Variants in CA10 observed in about 807,000 individuals in gnomAD.
CA10 encodes the protein carbonic anhydrase 10 (inactive), also known as carbonic anhydrase-related protein 10.
In CA10, 14 loss-of-function variants were observed where a neutral mutation model predicts 44.2. The observed-to-expected ratio is 0.32, with a 90% confidence interval of 0.21 to 0.50. The LOEUF (loss-of-function observed/expected upper bound fraction) is 0.50, where lower values mean the gene tolerates loss of function less well. Among genes scored for constraint, CA10 ranks in the 20% least tolerant of loss-of-function variants. The pLI is 0.99. For synonymous variants in CA10, 159 were observed against 141.6 expected (o/e 1.12, Z -0.87); for missense variants, 350 against 409.7 (o/e 0.85, Z 1.26).
At chr17:52,002,715 G>A (rs922923160) in intron 2 of CA10, among the ~76,000 whole-genome samples, 1 of 151,908 alleles carries the variant, frequency 6.6e-6, no homozygotes, top group African/African-American at 2.4e-5. Flanking sequence ...AAAGGGAAAG[G>A]AAGTATATCC....
intron 3 of CA10, among the ~76,000 whole-genome samples, chr17:51,885,985 A>G (rs1454196941): frequency 6.6e-6 from 1 of 152,272 alleles, no homozygotes; most frequent in Non-Finnish European, 1.5e-5. Context: ...GGAAGTTACA[A>G]TAAACAAAAG....
chr17:52,009,101 G>A (rs1985699959), intron 2 of CA10, among the ~76,000 whole-genome samples: 1 of 151,848 alleles, frequency 6.6e-6, no homozygotes, highest in Non-Finnish European at 1.5e-5. Context: ...GACACTACAA[G>A]TCTAAATCTC....
At chr17:51,836,229 C>T (rs1908472569) in intron 3 of CA10, among the ~76,000 whole-genome samples, 1 of 152,166 alleles carries the variant, frequency 6.6e-6, no homozygotes, top group African/African-American at 2.4e-5. Context: ...GCAAGGCATC[C>T]TGTCTATAGG....
At chr17:51,957,970 G>C (rs929470858) in intron 2 of CA10, among the ~76,000 whole-genome samples, 1 of 151,926 alleles carries the variant, frequency 6.6e-6, no homozygotes, top group East Asian at 1.9e-4. Context: ...TTCTGCCTCT[G>C]TAAAATACAG....
At chr17:51,636,102 A>T in intron 6 of CA10, 93 bp from the exon 7 acceptor site, 1 of 635,804 alleles carries the variant, frequency 1.6e-6, no homozygotes, top group Non-Finnish European at 2.6e-6. Context: ...ATACATATAC[A>T]TATACATACA....
intron 3 of CA10, among the ~76,000 whole-genome samples, chr17:51,792,659 G>C (rs1478512405): frequency 6.7e-6 from 1 of 148,350 alleles, no homozygotes; most frequent in Non-Finnish European, 1.5e-5. Flanking sequence ...AAAAAGAAAA[G>C]AAAGGAAAAT....
intron 3 of CA10, among the ~76,000 whole-genome samples, chr17:51,803,989 G>A (rs191393952): frequency 1.2e-4 from 19 of 152,270 alleles, no homozygotes; most frequent in African/African-American, 4.6e-4. Context: ...CACTGGCCGT[G>A]TGATCTTGAC....
chr17:52,079,567 C>T (rs1427963613), intron 1 of CA10, among the ~76,000 whole-genome samples: 2 of 152,114 alleles, frequency 1.3e-5, no homozygotes, highest in Non-Finnish European at 2.9e-5. Flanking sequence ...GTATATTATA[C>T]CAACTTGCAG....
chr17:51,828,217 G>A (rs1056318368), intron 3 of CA10, among the ~76,000 whole-genome samples: 1 of 152,132 alleles, frequency 6.6e-6, no homozygotes, highest in African/African-American at 2.4e-5. Context: ...CCTATGGCTG[G>A]GCACTGCAGA....
chr17:51,807,534 T>C (rs1404767403), intron 3 of CA10, among the ~76,000 whole-genome samples: 3 of 152,220 alleles, frequency 2.0e-5, no homozygotes, highest in Non-Finnish European at 1.5e-5. Flanking sequence ...TAAATGCTTA[T>C]ATCTGTTGTC....
In CA10 at chr17:52,136,423, C is replaced by T. The variant is rs770394542; in HGVS notation, c.61+21303G>A. Among the ~76,000 whole-genome samples the T allele has an allele frequency of 2.0e-4, 31 of 152,130 alleles. 1 individual carries two copies. Among genetic ancestry groups the T allele is most frequent in the Non-Finnish European group, 4.4e-4 (30 of 68,038 alleles). On this transcript the variant is annotated intron_variant, in intron 1 of 8. Transcript: ENST00000451037. The stretch of plus-strand genomic sequence containing the variant: ...CAAGTTACACCATCTGTCAACAGGA[C>T]GGCTGAGAGGTAATTCAGCCAACAG...
chr17:51,999,511 T>G (rs550859556), intron 2 of CA10, among the ~76,000 whole-genome samples: 6 of 151,998 alleles, frequency 3.9e-5, no homozygotes, highest in African/African-American at 1.4e-4. Context: ...GAGGCACTGG[T>G]GTAGTGCACA....
intron 4 of CA10, among the ~76,000 whole-genome samples, chr17:51,681,787 CA>C (rs1914856746): frequency 6.6e-6 from 1 of 152,114 alleles, no homozygotes; most frequent in Non-Finnish European, 1.5e-5. Flanking sequence ...ACCCAAATAA[CA>C]TACATTGTAG....
chr17:51,924,038 G>T (rs2143978103), intron 3 of CA10, among the ~76,000 whole-genome samples: 1 of 152,244 alleles, frequency 6.6e-6, no homozygotes, highest in East Asian at 1.9e-4. Context: ...TACAAGGAAA[G>T]CGATATTAAT....
chr17:51,700,448 T>C (rs1438397025), intron 4 of CA10, among the ~76,000 whole-genome samples: 1 of 152,192 alleles, frequency 6.6e-6, no homozygotes, highest in Non-Finnish European at 1.5e-5. Flanking sequence ...CGTTTGCTCA[T>C]GCTCTGGCCA....
At chr17:51,801,948 C>A (rs764570561) in intron 3 of CA10, among the ~76,000 whole-genome samples, 1 of 152,206 alleles carries the variant, frequency 6.6e-6, no homozygotes, top group Non-Finnish European at 1.5e-5. Context: ...TAGACCCCAA[C>A]TGAAGAAGCT....
intron 3 of CA10, among the ~76,000 whole-genome samples, chr17:51,920,629 G>A (rs1982192281): frequency 6.6e-6 from 1 of 152,130 alleles, no homozygotes; most frequent in Non-Finnish European, 1.5e-5. Context: ...TTTTCTGGAT[G>A]ATGTCAAGAG....
intron 2 of CA10, among the ~76,000 whole-genome samples, chr17:52,056,198 G>T (rs532005548): frequency 9.9e-5 from 15 of 152,200 alleles, no homozygotes; most frequent in African/African-American, 3.6e-4. Context: ...GGAAGAGGAG[G>T]TGTCCAAAAT....
intron 3 of CA10, among the ~76,000 whole-genome samples, chr17:51,831,678 G>T (rs28615628): frequency 8.1e-5 from 4 of 49,082 alleles, no homozygotes; most frequent in African/African-American, 2.7e-4. Flanking sequence ...AGCAGCAGCA[G>T]CAGCAGCAGC....
Sources: allele counts gnomAD v4.1 joint callset (sites outside exome capture counted in the v4.1 genomes callset), GRCh38; gene constraint gnomAD v4.1.1; transcripts MANE v1.5; gene names NCBI Gene and HGNC (gene_info 2026-07-23, HGNC 2026-07-21).